ANO2: variants seen among roughly 807,000 people sequenced by gnomAD.
ANO2 encodes the protein anoctamin 2, also known as anoctamin-2.
In ANO2, 101 loss-of-function variants were observed where a neutral mutation model predicts 124.2. The observed-to-expected ratio is 0.81, with a 90% CI of 0.69 to 0.96. ANO2 has a LOEUF of 0.96. Ranked by LOEUF, ANO2 falls within the 40% of genes least tolerant of loss-of-function variation. ANO2 has a pLI of 0.00. For missense variants in ANO2, 1,293 were observed against 1,274.5 expected (o/e 1.01, Z -0.22); for synonymous variants, 486 against 482.5 (o/e 1.01, Z -0.09).
At chr12:5,902,938 A>G (rs1940416010) in intron 3 of ANO2, among the ~76,000 whole-genome samples, 1 of 140,598 alleles carries the variant, frequency 7.1e-6, no homozygotes, top group African/African-American at 2.7e-5. Context: ...AAGGTGGGTG[A>G]CTTATTGATG....
intron 3 of ANO2, among the ~76,000 whole-genome samples, chr12:5,915,863 G>A (rs756794110): frequency 1.2e-4 from 18 of 152,220 alleles, no homozygotes; most frequent in Non-Finnish European, 1.8e-4. Flanking sequence ...CAAAGGAGGC[G>A]ACGATTCATT....
intron 14 of ANO2, 37 bp downstream of exon 14, chr12:5,732,483 G>T: frequency 1.3e-6 from 2 of 1,558,894 alleles, no homozygotes; most frequent in South Asian, 1.2e-5. Context: ...ATCTCAACAA[G>T]TAAAGAGGAC....
At chr12:5,602,405 C>T (rs1943986471) in intron 19 of ANO2, among the ~76,000 whole-genome samples, 2 of 152,024 alleles carry the variant, frequency 1.3e-5, no homozygotes, top group Admixed American at 6.6e-5. Flanking sequence ...CATGCACCAC[C>T]AGGCCCAGCT....
intron 4 of ANO2, among the ~76,000 whole-genome samples, chr12:5,833,263 A>T (rs1565707677): frequency 6.6e-6 from 1 of 152,248 alleles, no homozygotes; most frequent in African/African-American, 2.4e-5. Flanking sequence ...GTTAATATTT[A>T]TAGTGCATAC....
At chr12:5,602,098 G>C (rs1943970265) in intron 19 of ANO2, among the ~76,000 whole-genome samples, 1 of 152,094 alleles carries the variant, frequency 6.6e-6, no homozygotes, top group Non-Finnish European at 1.5e-5. Flanking sequence ...AGTTTATTCT[G>C]AAGAGAAAAA....
At chr12:5,910,909 T>G (rs2136291825) in intron 3 of ANO2, among the ~76,000 whole-genome samples, 1 of 152,270 alleles carries the variant, frequency 6.6e-6, no homozygotes, top group Middle Eastern at 3.4e-3. Flanking sequence ...CTTTCACACT[T>G]GCACAGTCCA....
At chr12:5,694,427 G>A (rs1432762094) in intron 14 of ANO2, among the ~76,000 whole-genome samples, 18 of 152,274 alleles carry the variant, frequency 1.2e-4, no homozygotes, top group South Asian at 6.2e-4. Context: ...ACCCACTAGC[G>A]AGTGGTGAGC....
At chr12:5,826,195 G>C (rs555655360) in intron 7 of ANO2, among the ~76,000 whole-genome samples, 1 of 152,100 alleles carries the variant, frequency 6.6e-6, no homozygotes, top group Non-Finnish European at 1.5e-5. Flanking sequence ...CCGGTTGTAC[G>C]AAGGATAGTT....
chr12:5,620,714 T>C (rs1163042326), intron 16 of ANO2, among the ~76,000 whole-genome samples: 1 of 151,908 alleles, frequency 6.6e-6, no homozygotes, highest in African/African-American at 2.4e-5. Context: ...GTGGAAAGCT[T>C]TGTGGTTTTC....
At chr12:5,680,386 G>A (rs1025298336) in intron 14 of ANO2, among the ~76,000 whole-genome samples, 3 of 152,198 alleles carry the variant, frequency 2.0e-5, no homozygotes, top group African/African-American at 7.2e-5. Flanking sequence ...TGAAAAAAAG[G>A]AAAGAGGGGC....
At chr12:5,607,137 C>A (rs926397249) in intron 19 of ANO2, among the ~76,000 whole-genome samples, 5 of 151,674 alleles carry the variant, frequency 3.3e-5, no homozygotes, top group Non-Finnish European at 7.4e-5. Flanking sequence ...CATGTAGGCT[C>A]TGAAGGTACA....
At chr12:5,836,197 C>T (rs74059008) in intron 4 of ANO2, among the ~76,000 whole-genome samples, 2,433 of 152,320 alleles carry the variant, frequency 0.016, 33 homozygotes, top group Middle Eastern at 0.078. Flanking sequence ...TTTTCTCTTG[C>T]TAAGGGTTGC....
intron 14 of ANO2, among the ~76,000 whole-genome samples, chr12:5,705,167 A>G (rs1469231727): frequency 6.6e-6 from 1 of 152,214 alleles, no homozygotes; most frequent in East Asian, 1.9e-4. Flanking sequence ...CCATGATAAC[A>G]TTGTCTTTTA....
At chr12:5,928,054 G>C (rs1043954622) in intron 1 of ANO2, among the ~76,000 whole-genome samples, 41 of 152,254 alleles carry the variant, frequency 2.7e-4, no homozygotes, top group African/African-American at 9.9e-4. Context: ...GCAGAGAAAG[G>C]GCAGAAAGTG....
rs531992189 is a variant in ANO2, at chr12:5,699,467, C to G, written c.1545+33053G>C. Among the ~76,000 whole-genome samples the G allele has an allele frequency of 6.9e-4, 105 of 152,108 alleles. 1 individual carries two copies. The South Asian group carries it at 0.02, about 30-fold the overall frequency. On this transcript the variant is annotated intron_variant, in intron 14 of 24. Transcript: ENST00000682330. ...GCACTAAACATGGAAAGGAACAACC[C>G]ATACCAGCCACTGCAAAGACATGCC...
In ANO2 at chr12:5,902,940, T is replaced by G. The variant is rs1393463019; in HGVS notation, c.534+18100A>C. Among the ~76,000 whole-genome samples, 3 of 137,790 alleles carry G rather than the reference T, an allele frequency of 2.2e-5. No individual in the cohort carries two copies. The South Asian group carries it at 7.2e-4, about 33-fold the overall frequency. The allele number at this position is 137,790 out of a possible 152,430, so 90.4% of individuals were successfully genotyped here. A position where few individuals can be genotyped will look rare whatever the true frequency, so the allele number is the denominator to read the frequency against. On this transcript the variant is annotated intron_variant, in intron 3 of 24. Transcript: ENST00000682330. ...AAACCAGGGCACAAAGGTGGGTGAC[T>G]TATTGATGGACCCAGGAATGCAAAG...
At chr12:5,587,160 T>C (rs997564955) in intron 20 of ANO2, among the ~76,000 whole-genome samples, 1 of 152,210 alleles carries the variant, frequency 6.6e-6, no homozygotes, top group Non-Finnish European at 1.5e-5. Context: ...ATAGAGCACT[T>C]ACTGTACGCC....
At chr12:5,890,744 C>G (rs949375585) in intron 3 of ANO2, among the ~76,000 whole-genome samples, 1 of 152,216 alleles carries the variant, frequency 6.6e-6, no homozygotes, top group South Asian at 2.1e-4. Flanking sequence ...TTCATGTTTA[C>G]TGATGGATAA....
intron 7 of ANO2, among the ~76,000 whole-genome samples, chr12:5,821,839 T>C (rs2192185): frequency 0.077 from 11,762 of 152,216 alleles, 562 homozygotes; most frequent in East Asian, 0.19. Flanking sequence ...ATATATGTGA[T>C]TGGGCTCAAG....
Sources: gnomAD v4.1 joint callset for allele counts (sites outside exome capture counted in the v4.1 genomes callset) on GRCh38, gnomAD v4.1.1 for gene constraint, MANE v1.5 for transcripts, NCBI Gene and HGNC (gene_info 2026-07-23, HGNC 2026-07-21) for gene names.